URI1: variants seen among roughly 807,000 people sequenced by gnomAD.
The protein encoded by URI1 is URI1 prefoldin like chaperone.
A neutral mutation model predicts 60.2 loss-of-function variants in URI1; 39 were observed. The ratio of observed to expected loss-of-function variants is 0.65; its 90% CI spans 0.50 to 0.85. The LOEUF is 0.85. Ranked by LOEUF, URI1 falls within the 40% of genes least tolerant of loss-of-function variation. The pLI is 0.00. For synonymous variants in URI1, 251 were observed against 236.8 expected, an observed-to-expected ratio of 1.06 and a Z score of -0.55; for missense variants, 691 against 665.9, an observed-to-expected ratio of 1.04 and a Z score of -0.42.
At chr19:30,006,011 G>T (rs1329439401) in intron 6 of URI1, among the ~76,000 whole-genome samples, 1 of 152,056 alleles carries the variant, frequency 6.6e-6, no homozygotes, top group Non-Finnish European at 1.5e-5. Flanking sequence ...ACATGGATCT[G>T]CTCCTAATTT....
At chr19:29,968,923 TA>T (rs888315321) in intron 1 of URI1, among the ~76,000 whole-genome samples, 103 of 146,268 alleles carry the variant, frequency 7.0e-4, no homozygotes, top group Non-Finnish European at 1.2e-3. Context: ...AGAAGACAAC[TA>T]AAAAAAAAAC....
chr19:29,980,426 T>G (rs1599696745), intron 2 of URI1: 1 of 151,920 alleles, frequency 6.6e-6, no homozygotes, highest in African/African-American at 2.4e-5. Flanking sequence ...TATTCCAGAA[T>G]CTTCCGTTTT....
chr19:29,939,802 A>G (rs2055005922), upstream of URI1, among the ~76,000 whole-genome samples: 1 of 152,182 alleles, frequency 6.6e-6, no homozygotes, highest in South Asian at 2.1e-4. Flanking sequence ...TGAGGCAGGA[A>G]CTAGTCTGGA....
At chr19:29,930,123 G>A (rs1210034070) in intron 1 of URI1, among the ~76,000 whole-genome samples, 1 of 151,938 alleles carries the variant, frequency 6.6e-6, no homozygotes, top group African/African-American at 2.4e-5. Context: ...ATTTTTAGTA[G>A]AGATGGGGTT....
Position 30,015,008 on chromosome 19 carries a change from C to A in URI1, c.1547C>A (p.Ser516Tyr), listed in dbSNP as rs1207853022. The A allele has an allele frequency of 2.5e-6, 4 of 1,613,788 alleles. No individual in the cohort carries two copies. Among genetic ancestry groups the A allele is most frequent in the Non-Finnish European group, 3.4e-6 (4 of 1,179,746 alleles). Reference protein sequence around the residue: ...PERKEVLLEASEETGKRVSKF... With the variant: ...PERKEVLLEAYEETGKRVSKF... ...CGAAAGGAAGTTCTGTTGGAAGCAT[C>A]TGAAGAAACTGGAAAGAGGGTTTCA... Residue 516 changes from serine (S) to tyrosine (Y), a missense_variant, in exon 11 of 11, where the codon TCT becomes TAT. Transcript: ENST00000392271.
rs375874893 is a variant in URI1, at chr19:29,932,315, G to T, written c.63+8561G>T. ...TTGAGATGATGATTATGATGATGAT[G>T]ATGATTATTATTATTATTTGAGACA... On this transcript the variant is annotated intron_variant, in intron 1 of 10. Transcript: ENST00000360605. Among the ~76,000 whole-genome samples, 268 of 151,114 alleles carry T rather than the reference G, an allele frequency of 1.8e-3. 8 individuals are homozygous for T. In the South Asian group the frequency reaches 0.044, roughly 25 times the overall value.
chr19:29,943,234 A>G (rs1309908194), intron 1 of URI1, among the ~76,000 whole-genome samples: 1 of 152,070 alleles, frequency 6.6e-6, no homozygotes, highest in African/African-American at 2.4e-5. Flanking sequence ...TGTTGGGATT[A>G]TAGGCCTGAG....
chr19:29,942,532 G>C lies in URI1; in HGVS notation c.-16G>C, dbSNP rs1335858232. 4 of 1,384,192 alleles carry C rather than the reference G, an allele frequency of 2.9e-6. No homozygotes were observed. Among genetic ancestry groups the C allele is most frequent in the Non-Finnish European group, 3.7e-6 (4 of 1,068,662 alleles). The allele number at this position is 1,384,192 out of a possible 1,614,324, so 85.7% of individuals were successfully genotyped here. On this transcript the variant is annotated 5_prime_UTR_variant, in exon 1 of 11. Transcript: ENST00000392271. ...GTTCAGGACTCACACGCCGCGCTGA[G>C]GCCCGCGGGCCCGTCATGGAGGCGC...
chr19:30,004,217 C>G lies in URI1; in HGVS notation c.368-1144C>G, dbSNP rs115791645. 1.2e-3 allele frequency: 186 copies of G among 152,106 alleles called. 1 individual carries two copies. The highest frequency in any genetic ancestry group is 4.1e-3 in the African/African-American group (172 of 41,516). The allele number at this position is 152,106 out of a possible 1,614,324, so 9.4% of individuals were successfully genotyped here. On this transcript the variant is annotated intron_variant, in intron 4 of 10. Coordinates refer to ENST00000392271, the MANE Select transcript of URI1 (RefSeq NM_003796.3). Reference sequence around the variant, plus strand: ...TATGAACTGTTTACACCGTAATTTTCATTTTGTTAATGCAGTCTTTTTTTT... The same window carrying G: ...TATGAACTGTTTACACCGTAATTTTGATTTTGTTAATGCAGTCTTTTTTTT...
At position 30,009,014 on chromosome 19, in the gene URI1, T is replaced by TA; in HGVS notation, c.697dup (p.Thr233AsnfsTer13). 6.2e-7 allele frequency: 1 copy of TA among 1,608,832 alleles called. No homozygotes were observed. The highest frequency in any genetic ancestry group is 8.5e-7 in the Non-Finnish European group (1 of 1,176,618). ...TTTTCTTCCTTGCTAGTAAGCCTGA[T>TA]ACTGTGATTGCAAATGGAGAAGATA... is the stretch of plus-strand genomic sequence containing the variant. On this transcript the variant is annotated frameshift_variant, in exon 8 of 11. Transcript: ENST00000392271. LOFTEE classifies it high-confidence loss of function.
intron 4 of URI1, among the ~76,000 whole-genome samples, chr19:29,994,039 C>T (rs554706390): frequency 6.6e-5 from 10 of 151,468 alleles, no homozygotes; most frequent in Admixed American, 4.6e-4. Flanking sequence ...AAAATCAATG[C>T]TGCAGTGAAT....
upstream of URI1, among the ~76,000 whole-genome samples, chr19:29,940,520 G>A (rs1364304957): frequency 1.3e-5 from 2 of 152,030 alleles, no homozygotes; most frequent in Non-Finnish European, 2.9e-5. Context: ...GTGGTGGCAC[G>A]CGCCTGTAGT....
chr19:29,927,481 T>C (rs2004767), intron 1 of URI1, among the ~76,000 whole-genome samples: 27,451 of 150,234 alleles, frequency 0.18, 3,438 homozygotes, highest in African/African-American at 0.33. Flanking sequence ...AGGCTGGTTT[T>C]GAACTCCTGA....
At chr19:29,961,970 C>T (rs1355658470) in intron 1 of URI1, among the ~76,000 whole-genome samples, 1 of 152,182 alleles carries the variant, frequency 6.6e-6, no homozygotes, top group Non-Finnish European at 1.5e-5. Context: ...CAGGCGTGTG[C>T]CACTGCGCCC....
intron 1 of URI1, chr19:29,956,832 T>C: frequency 2.5e-6 from 4 of 1,585,422 alleles, no homozygotes; most frequent in Non-Finnish European, 3.5e-6. Flanking sequence ...CGGAGCCTCT[T>C]TTTTTTCTTT....
At chr19:29,939,126 C>T (rs1436658084), upstream of URI1, among the ~76,000 whole-genome samples, 2 of 147,954 alleles carry the variant, frequency 1.4e-5, no homozygotes, top group Non-Finnish European at 3.0e-5. Flanking sequence ...TACAGGCATG[C>T]ACCACCACAC....
At position 29,942,643 on chromosome 19, in the gene URI1, G is replaced by A; in HGVS notation, c.96G>A (p.Arg32=). The change falls in exon 1 of 11, where the codon CGG becomes CGA. Residue 32 remains arginine, a synonymous_variant. Transcript: ENST00000392271. ...CGTTGCGCGCCCCGGATGTGGCGCGGCTGCGCGAGGAGCAGGAAAAGGTAA... is the reference window on the plus strand; with the variant it reads ...CGTTGCGCGCCCCGGATGTGGCGCGACTGCGCGAGGAGCAGGAAAAGGTAA... The part of the protein sequence containing the change: ...LVPLRAPDVA[R]LREEQEKVVT... 1.4e-6 allele frequency: 2 copies of A among 1,455,796 alleles called. No individual in the cohort carries two copies. Among genetic ancestry groups the A allele is most frequent in the South Asian group, 1.4e-5 (1 of 72,182 alleles). The allele number at this position is 1,455,796 out of a possible 1,614,324, so 90.2% of individuals were successfully genotyped here. A position where few individuals can be genotyped will look rare whatever the true frequency, so the allele number is the denominator to read the frequency against.
At chr19:29,929,253 G>A (rs1041413180) in intron 1 of URI1, among the ~76,000 whole-genome samples, 3 of 152,108 alleles carry the variant, frequency 2.0e-5, no homozygotes, top group Non-Finnish European at 4.4e-5. Flanking sequence ...GAATGAAAGA[G>A]AGTTTCAATT....
intron 1 of URI1, among the ~76,000 whole-genome samples, chr19:29,943,007 A>G (rs2055051900): frequency 6.6e-6 from 1 of 152,104 alleles, no homozygotes; most frequent in Non-Finnish European, 1.5e-5. Flanking sequence ...TAAAATGTGT[A>G]CTGTTTGTTG....
Sources: allele counts gnomAD v4.1 joint callset (sites outside exome capture counted in the v4.1 genomes callset), GRCh38; gene constraint gnomAD v4.1.1; transcripts MANE v1.5; gene names NCBI Gene and HGNC (gene_info 2026-07-23, HGNC 2026-07-21).